Variants in MFSD11 observed in about 807,000 individuals in gnomAD.
MFSD11 encodes UNC93-like protein MFSD11.
MFSD11 carries 36 observed loss-of-function variants against 53.5 expected under a neutral mutation model. The ratio of observed to expected loss-of-function variants is 0.67; its 90% CI spans 0.52 to 0.89. The LOEUF is 0.89. Ranked by LOEUF, MFSD11 falls within the 40% of genes least tolerant of loss-of-function variation. The pLI, the probability that MFSD11 is intolerant of heterozygous loss-of-function variation, is 0.00. For synonymous variants in MFSD11, 186 were observed against 184.9 expected (o/e 1.01, Z -0.05); for missense variants, 530 against 543.9 (o/e 0.97, Z 0.25).
intron 1 of MFSD11, 64 bp downstream of exon 1, chr17:76,738,512 T>C (rs780586288): frequency 2.5e-6 from 3 of 1,217,156 alleles, no homozygotes; most frequent in East Asian, 4.8e-5. Flanking sequence ...GAAATGAAAA[T>C]AAACGTTCAT....
intron 5 of MFSD11, 42 bp downstream of exon 5, chr17:76,742,315 T>G (rs1420566115): frequency 6.5e-7 from 1 of 1,538,186 alleles, no homozygotes; most frequent in South Asian, 1.2e-5. Context: ...TTTCTTTCTT[T>G]TTTTTCTGTC....
At position 76,775,073 on chromosome 17, in the gene MFSD11, G is replaced by T; in HGVS notation, c.951G>T (p.Val317=). 1 of 1,614,082 alleles carries T rather than the reference G, an allele frequency of 6.2e-7. No homozygotes were observed. Among genetic ancestry groups the T allele is most frequent in the Non-Finnish European group, 8.5e-7 (1 of 1,179,956 alleles). The change falls in exon 11 of 13, where the codon GTG becomes GTT. Residue 317 remains valine (V), a synonymous_variant. Transcript: ENST00000685175. ...RNPVVLLGIL[V]HFIAFYLIFL... is the part of the protein sequence containing the mutation. ...CAGTTGTGCTGTTGGGCATCCTGGT[G>T]CACTTCATAGCTTTTTATCTAATAT...
chr17:76,790,419 G>A, the MFSD11 span, among the ~76,000 whole-genome samples: 1 of 145,676 alleles, frequency 6.9e-6, no homozygotes, highest in Non-Finnish European at 1.5e-5. Flanking sequence ...ACAACTTACT[G>A]CAACCTCTGC....
the MFSD11 span, among the ~76,000 whole-genome samples, chr17:76,801,364 C>CAAAAAA: frequency 1.4e-5 from 1 of 72,240 alleles, no homozygotes; most frequent in African/African-American, 5.4e-5. Flanking sequence ...GGCTCTGTCT[C>CAAAAAA]AAAAAAAAAA....
chr17:76,746,324 A>G (rs1422363752), intron 7 of MFSD11, among the ~76,000 whole-genome samples: 2 of 152,218 alleles, frequency 1.3e-5, no homozygotes, highest in Admixed American at 1.3e-4. Flanking sequence ...AGGATCAAGG[A>G]AAGAAACCAT....
the MFSD11 span, among the ~76,000 whole-genome samples, chr17:76,794,169 C>T: frequency 1.3e-5 from 2 of 151,370 alleles, 1 homozygote; most frequent in African/African-American, 4.9e-5. Context: ...CAAGCTAATA[C>T]AAGGAGAGAT....
the MFSD11 span, among the ~76,000 whole-genome samples, chr17:76,797,794 ACTT>A: frequency 1.3e-5 from 2 of 152,046 alleles, no homozygotes; most frequent in African/African-American, 4.8e-5. Context: ...GGCCGTCCAT[ACTT>A]CTTACTGACC....
At chr17:76,784,473 CA>C (rs2082243821), downstream of MFSD11, among the ~76,000 whole-genome samples, 1 of 151,906 alleles carries the variant, frequency 6.6e-6, no homozygotes, top group Admixed American at 6.6e-5. Context: ...GCAGAGGTTG[CA>C]GTGAGCTGAG....
chr17:76,767,853 A>G (rs1335236144), intron 9 of MFSD11, among the ~76,000 whole-genome samples: 1 of 152,178 alleles, frequency 6.6e-6, no homozygotes, highest in Non-Finnish European at 1.5e-5. Context: ...TCTGTTGGTG[A>G]CAGCAAATCA....
Position 76,778,524 on chromosome 17 carries a change from A to C in MFSD11, c.*172A>C. ...GTTGGTGTTCAAGTTTACAGATATG[A>C]GTTATTTAAAGCAAGTAGAATAAGG... On this transcript the variant is annotated 3_prime_UTR_variant, in exon 13 of 13. Transcript: ENST00000685175. 1.7e-6 allele frequency: 1 copy of C among 573,164 alleles called. No individual in the cohort carries two copies. Among genetic ancestry groups the C allele is most frequent in the South Asian group, 2.8e-5 (1 of 35,606 alleles). 35.5% of individuals were successfully genotyped at this position (573,164 alleles called of 1,614,324 possible).
chr17:76,795,061 G>A, the MFSD11 span, among the ~76,000 whole-genome samples: 2 of 152,046 alleles, frequency 1.3e-5, no homozygotes, highest in South Asian at 2.1e-4. Context: ...AACAACCATG[G>A]ATCGAAAATA....
intron 8 of MFSD11, among the ~76,000 whole-genome samples, chr17:76,758,036 A>G (rs1406047375): frequency 6.6e-6 from 1 of 152,144 alleles, no homozygotes; most frequent in Non-Finnish European, 1.5e-5. Context: ...ATGTTCTCAA[A>G]GAAGGCAAGA....
intron 7 of MFSD11, chr17:76,752,908 T>C (rs1036377645): frequency 1.3e-5 from 2 of 151,982 alleles, no homozygotes; most frequent in African/African-American, 4.8e-5. Context: ...CATATAAAAA[T>C]CTTGTGCTCA....
upstream of MFSD11, chr17:76,736,789 C>T: frequency 6.5e-7 from 1 of 1,532,136 alleles, no homozygotes; most frequent in Non-Finnish European, 8.7e-7. Flanking sequence ...GTCCCCTCAG[C>T]CCCGTTTACC....
chr17:76,746,975 C>T (rs2078603300), intron 7 of MFSD11, among the ~76,000 whole-genome samples: 1 of 151,212 alleles, frequency 6.6e-6, no homozygotes, highest in Non-Finnish European at 1.5e-5. Flanking sequence ...GTGGCGGGAT[C>T]TCGGCTCACT....
chr17:76,791,877 G>A, the MFSD11 span, among the ~76,000 whole-genome samples: 45 of 121,996 alleles, frequency 3.7e-4, 3 homozygotes, highest in African/African-American at 1.5e-3. Context: ...GTTCCCCCCC[G>A]CCCCGAGAGA....
intron 8 of MFSD11, among the ~76,000 whole-genome samples, chr17:76,758,535 A>T (rs1419589238): frequency 2.1e-5 from 3 of 142,300 alleles, no homozygotes; most frequent in African/African-American, 8.1e-5. Context: ...GTAAACAGTG[A>T]TGGCGCCACT....
chr17:76,769,825 C>T lies in MFSD11; in HGVS notation c.828C>T (p.Ser276=), dbSNP rs763976500. Residue 276 remains serine, a synonymous_variant, in exon 10 of 13, where the codon AGC becomes AGT. Coordinates refer to ENST00000685175, the MANE Select transcript of MFSD11 (RefSeq NM_001242532.5). ...ATNKFGAEEK[S]LIGLSGIFIG... ...ATAAATTTGGAGCAGAAGAGAAAAG[C>T]CTTATTGGACTTTCTGGCATTTTCA... 1.4e-5 allele frequency: 23 copies of T among 1,612,430 alleles called. No individual in the cohort carries two copies. Among genetic ancestry groups the T allele is most frequent in the South Asian group, 3.3e-5 (3 of 90,616 alleles).
At chr17:76,797,144 G>A in the MFSD11 span, among the ~76,000 whole-genome samples, 1 of 152,100 alleles carries the variant, frequency 6.6e-6, no homozygotes, top group African/African-American at 2.4e-5. Context: ...ACTCCAGCAT[G>A]GGCGACAGAG....
Sources: gnomAD v4.1 joint callset for allele counts (sites outside exome capture counted in the v4.1 genomes callset) on GRCh38, gnomAD v4.1.1 for gene constraint, MANE v1.5 for transcripts, NCBI Gene and HGNC (gene_info 2026-07-23, HGNC 2026-07-21) for gene names.